ZFYVE9: variants seen among roughly 807,000 people sequenced by gnomAD.
ZFYVE9 encodes zinc finger FYVE-type containing 9, also known as zinc finger FYVE domain-containing protein 9.
Under a neutral mutation model 126.7 loss-of-function variants are expected in ZFYVE9, and 43 were observed. The observed-to-expected ratio is 0.34, with a 90% CI of 0.27 to 0.44. The LOEUF is 0.44. ZFYVE9 is among the 20% of genes least tolerant of loss of function. ZFYVE9 has a pLI of 1.00. For missense variants in ZFYVE9, 1,476 were observed against 1,697.0 expected (o/e 0.87, Z 2.29); for synonymous variants, 521 against 597.4 (o/e 0.87, Z 1.87).
chr1:52,308,440 G>T (rs1646106856), intron 13 of ZFYVE9, among the ~76,000 whole-genome samples: 1 of 152,074 alleles, frequency 6.6e-6, no homozygotes, highest in African/African-American at 2.4e-5. Context: ...TCCCATCTTG[G>T]CTTCCCTAAG....
Position 52,213,600 on chromosome 1 carries a change from C to T in ZFYVE9, c.-142-2769C>T, listed in dbSNP as rs143489925. Among the ~76,000 whole-genome samples the T allele has an allele frequency of 1.4e-3, 207 of 151,796 alleles. 4 individuals are homozygous for T. In the East Asian group the frequency reaches 0.032, roughly 24 times the overall value. On this transcript the variant is annotated intron_variant, in intron 1 of 18. Transcript: ENST00000287727. ...CCGGGAGGTGGAGGTTGCAGTGAGC[C>T]GAGATCGTGTCACTGCACTCCAGCC...
Position 52,344,788 on chromosome 1 carries a change from T to C in ZFYVE9, c.3960T>C (p.Asp1320=). 6.2e-7 allele frequency: 1 copy of C among 1,613,834 alleles called. No homozygotes were observed. The highest frequency in any genetic ancestry group is 8.5e-7 in the Non-Finnish European group (1 of 1,179,846). ...RWTEVFFLEN[D]DQHNCLSDPA... is the part of the protein sequence containing the mutation. ...AACAGGTGTTTTTCCTAGAAAACGA[T>C]GACCAGCACAATTGCCTCAGTGATC... is the stretch of plus-strand genomic sequence containing the variant. Residue 1320 remains aspartate (D), a synonymous_variant, in exon 18 of 19, where the codon GAT becomes GAC. Coordinates refer to ENST00000287727, the MANE Select transcript of ZFYVE9 (RefSeq NM_004799.4).
At chr1:52,318,276 T>C (rs1280958391) in intron 13 of ZFYVE9, among the ~76,000 whole-genome samples, 2 of 151,980 alleles carry the variant, frequency 1.3e-5, no homozygotes, top group Admixed American at 6.6e-5. Context: ...GGATACAGGA[T>C]CCTTTAACAG....
chr1:52,242,031 C>CTTTT (rs975430437), intron 4 of ZFYVE9, among the ~76,000 whole-genome samples: 1,446 of 106,414 alleles, frequency 0.014, 73 homozygotes, highest in African/African-American at 0.033. Context: ...TCATGGCAAT[C>CTTTT]TTTTTTTTTT....
chr1:52,263,006 G>T (rs535433936), intron 4 of ZFYVE9, among the ~76,000 whole-genome samples: 1 of 151,110 alleles, frequency 6.6e-6, no homozygotes, highest in African/African-American at 2.4e-5. Flanking sequence ...AACCCAGGAG[G>T]TGGAGGTTGC....
At chr1:52,158,018 A>C (rs982996545) in intron 1 of ZFYVE9, among the ~76,000 whole-genome samples, 6 of 152,068 alleles carry the variant, frequency 3.9e-5, no homozygotes, top group African/African-American at 1.4e-4. Flanking sequence ...GCTCTCTGCT[A>C]TGTCAATTCA....
intron 1 of ZFYVE9, chr1:52,162,949 GGAGT>G: frequency 2.0e-6 from 1 of 489,244 alleles, no homozygotes; most frequent in East Asian, 4.5e-5. Flanking sequence ...TACACAAGCA[GGAGT>G]TCCTGTTGGA....
intron 1 of ZFYVE9, among the ~76,000 whole-genome samples, chr1:52,164,845 C>T (rs1644498666): frequency 6.6e-6 from 1 of 152,146 alleles, no homozygotes; most frequent in Non-Finnish European, 1.5e-5. Context: ...CTCAGCCTTT[C>T]AGGATTTGAG....
chr1:52,344,857 T>C lies in ZFYVE9; in HGVS notation c.4029T>C (p.Phe1343=), dbSNP rs764452260. The change falls in exon 18 of 19, where the codon TTT becomes TTC. Residue 1343 remains phenylalanine (F), a synonymous_variant. Coordinates refer to ENST00000287727, the MANE Select transcript of ZFYVE9 (RefSeq NM_004799.4). ...SRLTEHVAKA[F]CLALCPHLKL... is the part of the protein sequence containing the mutation. ...TGACTGAGCATGTTGCCAAAGCTTT[T>C]TGCCTTGCTCTCTGTCCTCACCTGA... 1.2e-6 allele frequency: 2 copies of C among 1,614,210 alleles called. No individual in the cohort carries two copies. Among genetic ancestry groups the C allele is most frequent in the Non-Finnish European group, 1.7e-6 (2 of 1,180,032 alleles).
chr1:52,323,318 A>G (rs542661766), intron 13 of ZFYVE9, among the ~76,000 whole-genome samples: 1 of 152,282 alleles, frequency 6.6e-6, no homozygotes, highest in Admixed American at 6.5e-5. Context: ...GTACCCACCA[A>G]TACTCCCAGT....
At chr1:52,337,999 C>G (rs1646404239) in intron 16 of ZFYVE9, 65 bp downstream of exon 16, 1 of 1,537,966 alleles carries the variant, frequency 6.5e-7, no homozygotes, top group Non-Finnish European at 8.8e-7. Flanking sequence ...GTTTTGTCTG[C>G]TGTCTACATT....
At chr1:52,224,121 T>C (rs912233406) in intron 2 of ZFYVE9, among the ~76,000 whole-genome samples, 3 of 152,108 alleles carry the variant, frequency 2.0e-5, no homozygotes, top group African/African-American at 7.2e-5. Flanking sequence ...GGAAAAAGGG[T>C]TGGGGTAGAC....
chr1:52,343,610 G>T lies in ZFYVE9; in HGVS notation c.3940-1158G>T, dbSNP rs138696429. 5.7e-3 allele frequency among the ~76,000 whole-genome samples: 865 copies of T among 151,416 alleles called. 4 individuals are homozygous for T. Among genetic ancestry groups the T allele is most frequent in the African/African-American group, 0.02 (832 of 41,212 alleles). ...GTCTCTACTAAAAATATAAAAATTA[G>T]CCAGGTGTGGTGGTGCACACTTGTA... is the stretch of plus-strand genomic sequence containing the variant. On this transcript the variant is annotated intron_variant, in intron 17 of 18. Coordinates refer to ENST00000287727, the MANE Select transcript of ZFYVE9 (RefSeq NM_004799.4).
chr1:52,159,143 G>A (rs1417033943), intron 1 of ZFYVE9, among the ~76,000 whole-genome samples: 2 of 152,152 alleles, frequency 1.3e-5, no homozygotes, highest in Non-Finnish European at 2.9e-5. Context: ...CTTTACACCA[G>A]TTTGAGTGTT....
chr1:52,238,486 C>T lies in ZFYVE9; in HGVS notation c.1069C>T (p.Arg357Trp), dbSNP rs140851467. Residue 357 changes from arginine (R) to tryptophan (W), a missense_variant, in exon 4 of 19, where the codon CGG (arginine) becomes TGG (tryptophan). Physicochemically the swap from Arg to Trp is moderately radical, Grantham distance 101. Coordinates refer to ENST00000287727, the MANE Select transcript of ZFYVE9 (RefSeq NM_004799.4). ...NGSGRNNDCERCSDCLVPNEV... is the reference protein window; with the variant it reads ...NGSGRNNDCEWCSDCLVPNEV... ...GTCTGGAAGGAATAATGACTGTGAA[C>T]GGTGTTCAGATTGCCTTGTGCCTAA... The T allele has an allele frequency of 8.1e-5, 131 of 1,613,898 alleles. No homozygotes were observed. The highest frequency in any genetic ancestry group is 1.3e-4 in the African/African-American group (10 of 74,892).
chr1:52,256,659 T>G (rs1428260350), intron 4 of ZFYVE9, among the ~76,000 whole-genome samples: 1 of 152,260 alleles, frequency 6.6e-6, no homozygotes, highest in Non-Finnish European at 1.5e-5. Context: ...CTTTCTGTAA[T>G]GGACACTTAA....
intron 7 of ZFYVE9, among the ~76,000 whole-genome samples, chr1:52,271,048 G>A (rs1005372150): frequency 6.6e-6 from 1 of 152,164 alleles, no homozygotes; most frequent in African/African-American, 2.4e-5. Context: ...AATTAGCTGG[G>A]CATGATGGCA....
chr1:52,222,760 T>C (rs554261005), intron 2 of ZFYVE9, among the ~76,000 whole-genome samples: 120 of 152,324 alleles, frequency 7.9e-4, no homozygotes, highest in African/African-American at 2.5e-3. Flanking sequence ...CCTTTGACCA[T>C]ATGTCGGGAT....
At chr1:52,303,762 T>G in intron 12 of ZFYVE9, 59 bp from the exon 13 acceptor site, 1 of 1,072,730 alleles carries the variant, frequency 9.3e-7, no homozygotes, top group South Asian at 2.3e-5. Flanking sequence ...TTTATTACTA[T>G]AAATTAAACC....
Sources: gnomAD v4.1 joint callset for allele counts (sites outside exome capture counted in the v4.1 genomes callset) on GRCh38, gnomAD v4.1.1 for gene constraint, MANE v1.5 for transcripts, NCBI Gene and HGNC (gene_info 2026-07-23, HGNC 2026-07-21) for gene names.